The following PIK3C2A variants were observed in gnomAD, a reference collection of about 807,000 sequenced individuals.
The protein encoded by PIK3C2A is phosphatidylinositol 4-phosphate 3-kinase C2 domain-containing subunit alpha.
PIK3C2A carries 97 observed loss-of-function variants against 204.5 expected under a neutral mutation model. The observed-to-expected ratio is 0.47, with a 90% CI of 0.40 to 0.56. The LOEUF (loss-of-function observed/expected upper bound fraction) is 0.56, where lower values mean the gene tolerates loss of function less well. Ranked by LOEUF, PIK3C2A falls within the 20% of genes least tolerant of loss-of-function variation. The pLI, the probability that PIK3C2A is intolerant of heterozygous loss-of-function variation, is 0.00. For missense variants in PIK3C2A, 1,735 were observed against 1,969.2 expected, an observed-to-expected ratio of 0.88 and a Z score of 2.25; for synonymous variants, 653 against 664.4, an observed-to-expected ratio of 0.98 and a Z score of 0.26.
intron 15 of PIK3C2A, among the ~76,000 whole-genome samples, chr11:17,120,929 C>A (rs1229897852): frequency 6.6e-6 from 1 of 152,124 alleles, no homozygotes; most frequent in Non-Finnish European, 1.5e-5. Context: ...CCTGCCTCAG[C>A]CTCCCAAGTA....
At chr11:17,196,761 G>A (rs1010508474) in intron 1 of PIK3C2A, among the ~76,000 whole-genome samples, 5 of 152,000 alleles carry the variant, frequency 3.3e-5, no homozygotes, top group African/African-American at 1.2e-4. Flanking sequence ...TAGTAGAGAT[G>A]GGGTTTCACC....
intron 1 of PIK3C2A, among the ~76,000 whole-genome samples, chr11:17,172,486 G>T: frequency 6.6e-6 from 1 of 152,164 alleles, no homozygotes; most frequent in East Asian, 1.9e-4. Flanking sequence ...GAGACCAGCA[G>T]AAGAAATCAC....
At position 17,167,882 on chromosome 11, in the gene PIK3C2A, T is replaced by A. The variant is rs183091490; in HGVS notation, c.1065+795A>T. Among the ~76,000 whole-genome samples, 9 of 152,262 alleles carry A rather than the reference T, an allele frequency of 5.9e-5. No homozygotes were observed. In the East Asian group the frequency reaches 1.5e-3, roughly 26 times the overall value. On this transcript the variant is annotated intron_variant, in intron 2 of 32. Coordinates refer to ENST00000691414, the MANE Select transcript of PIK3C2A (RefSeq NM_002645.4). ...CATTCTTCACTTTTATCGACAAAAG[T>A]GTTTAAAGGGAGAGTCCTTTAAATT...
intron 1 of PIK3C2A, among the ~76,000 whole-genome samples, chr11:17,202,036 G>A (rs1223966972): frequency 6.6e-6 from 1 of 151,880 alleles, no homozygotes; most frequent in Non-Finnish European, 1.5e-5. Context: ...CGGGCAGATC[G>A]CCTTAGGTCA....
chr11:17,110,419 C>A lies in PIK3C2A; in HGVS notation c.3544+13G>T. On this transcript the variant is annotated intron_variant, in intron 22 of 32. Coordinates refer to ENST00000691414, the MANE Select transcript of PIK3C2A (RefSeq NM_002645.4). ...AAAAAAATAAGACATCAAGACACAG[C>A]TAATAAACTTACCTCGATCTCTGCC... 1 of 1,603,342 alleles carries A rather than the reference C, an allele frequency of 6.2e-7. No homozygotes were observed. Among genetic ancestry groups the A allele is most frequent in the Admixed American group, 1.7e-5 (1 of 58,284 alleles).
At chr11:17,102,549 A>G (rs1210153654) in intron 24 of PIK3C2A, 113 bp downstream of exon 24, 3 of 759,022 alleles carry the variant, frequency 4.0e-6, no homozygotes, top group Non-Finnish European at 2.2e-6. Flanking sequence ...GGCCTTTTTC[A>G]TTCCCAGTTA....
intron 1 of PIK3C2A, among the ~76,000 whole-genome samples, chr11:17,187,477 A>T (rs1203014769): frequency 6.6e-6 from 1 of 152,164 alleles, no homozygotes; most frequent in Non-Finnish European, 1.5e-5. Context: ...CATCACTACC[A>T]CCAAGTTTCA....
chr11:17,168,769 C>T lies in PIK3C2A; in HGVS notation c.973G>A (p.Gly325Arg). 6.2e-7 allele frequency: 1 copy of T among 1,613,832 alleles called. No homozygotes were observed. The highest frequency in any genetic ancestry group is 1.1e-5 in the South Asian group (1 of 91,044). ...ANCHLERKVN[G>R]KSLSVATVTR... ...ACAGTTGCCACAGAAAGGGATTTTCCATTCACCTTTCTTTCAAGATGACAA... is the reference window on the plus strand; with the variant it reads ...ACAGTTGCCACAGAAAGGGATTTTCTATTCACCTTTCTTTCAAGATGACAA... The change falls in exon 2 of 33, where the codon GGA becomes AGA. Residue 325 changes from glycine (G) to arginine (R), a missense_variant. By Grantham distance (125) the Gly-to-Arg change is moderately radical. This residue lies in a region of PIK3C2A where 536 missense variants were observed against 546.7 expected (regional missense o/e 0.98). Transcript: ENST00000691414.
intron 8 of PIK3C2A, among the ~76,000 whole-genome samples, chr11:17,139,505 T>C (rs995975932): frequency 2.6e-5 from 4 of 152,212 alleles, no homozygotes; most frequent in African/African-American, 7.2e-5. Flanking sequence ...ATTACAGGCA[T>C]GAGCCACCAT....
At chr11:17,118,556 G>T in intron 18 of PIK3C2A, 89 bp downstream of exon 18, 1 of 658,560 alleles carries the variant, frequency 1.5e-6, no homozygotes, top group Non-Finnish European at 2.7e-6. Flanking sequence ...ACAATAAGTA[G>T]TGTGGCATAC....
At chr11:17,168,017 T>G (rs1329532276) in intron 2 of PIK3C2A, among the ~76,000 whole-genome samples, 1 of 151,384 alleles carries the variant, frequency 6.6e-6, no homozygotes. Context: ...TTATTTGCAT[T>G]TAAAAAAAAA....
At position 17,114,412 on chromosome 11, in the gene PIK3C2A, T is replaced by C; in HGVS notation, c.3270A>G (p.Lys1090=). 6.3e-7 allele frequency: 1 copy of C among 1,599,442 alleles called. No homozygotes were observed. The highest frequency in any genetic ancestry group is 8.6e-7 in the Non-Finnish European group (1 of 1,166,850). The change falls in exon 20 of 33, where the codon AAA becomes AAG. Residue 1090 remains lysine, a synonymous_variant. Transcript: ENST00000691414. ...ERVQSFFQKN[K]CRLPLKPSLV... is the part of the protein sequence containing the mutation. The stretch of plus-strand genomic sequence containing the variant: ...GACTTGGCTTGAGAGGGAGACGGCA[T>C]TTATTTTTCTGAAAAAAGGACTGTA...
Position 17,122,781 on chromosome 11 carries a change from A to G in PIK3C2A, c.2432T>C (p.Leu811Pro). ...AGAATTTGTATGTGATGAAGTCCAA[A>G]GATATAGAAGTTTAGTTCCACATGT... ...FLTCGTKLLY[L>P]WTSSHTNSVP... is the part of the protein sequence containing the mutation. Residue 811 changes from leucine to proline, a missense_variant, in exon 14 of 33, where the codon CTT becomes CCT. Around this residue, in one of 6 missense-constraint regions of PIK3C2A, gnomAD observed 567 missense variants for 576.0 expected, o/e 0.98. Coordinates refer to ENST00000691414, the MANE Select transcript of PIK3C2A (RefSeq NM_002645.4). The G allele has an allele frequency of 6.5e-7, 1 of 1,534,230 alleles. No individual in the cohort carries two copies. Among genetic ancestry groups the G allele is most frequent in the South Asian group, 1.2e-5 (1 of 85,450 alleles).
At chr11:17,092,651 G>GC (rs2043820329) in intron 28 of PIK3C2A, among the ~76,000 whole-genome samples, 1 of 152,194 alleles carries the variant, frequency 6.6e-6, no homozygotes, top group South Asian at 2.1e-4. Flanking sequence ...CTGGGTGACA[G>GC]AGCAAGTCTC....
chr11:17,152,723 A>C (rs996103284), intron 3 of PIK3C2A, among the ~76,000 whole-genome samples: 1 of 152,136 alleles, frequency 6.6e-6, no homozygotes, highest in Non-Finnish European at 1.5e-5. Flanking sequence ...CAGTATCTCT[A>C]TGCAGAAATG....
At position 17,169,083 on chromosome 11, in the gene PIK3C2A, C is replaced by G. The variant is rs1360970678; in HGVS notation, c.659G>C (p.Ser220Thr). Reference sequence around the variant, plus strand: ...GTCAAATAGTTTTGCCATGTCAGTACTGACTACTGGACGATAGATAGGTAA... The same window carrying G: ...GTCAAATAGTTTTGCCATGTCAGTAGTGACTACTGGACGATAGATAGGTAA... ...GSLPIYRPVVSTDMAKLFDKI... is the reference protein window; with the variant it reads ...GSLPIYRPVVTTDMAKLFDKI... The change falls in exon 2 of 33, where the codon AGT (serine) becomes ACT (threonine). Residue 220 changes from serine to threonine, a missense_variant. Ser to Thr is a moderately conservative substitution (Grantham distance 58). Transcript: ENST00000691414. 5.6e-6 allele frequency: 9 copies of G among 1,614,036 alleles called. No homozygotes were observed. The highest frequency in any genetic ancestry group is 7.6e-6 in the Non-Finnish European group (9 of 1,180,046).
chr11:17,174,572 C>T (rs1390834007), intron 1 of PIK3C2A, among the ~76,000 whole-genome samples: 1 of 23,696 alleles, frequency 4.2e-5, no homozygotes, highest in Non-Finnish European at 7.0e-5. Flanking sequence ...CCAGCCTGGG[C>T]GACAGAGCGA....
chr11:17,095,516 G>C (rs536936602), intron 27 of PIK3C2A, among the ~76,000 whole-genome samples: 1 of 151,138 alleles, frequency 6.6e-6, no homozygotes, highest in Non-Finnish European at 1.5e-5. Context: ...GCGTGAACCC[G>C]GGAGGCAGAG....
chr11:17,192,869 C>A (rs1156344063), intron 1 of PIK3C2A, among the ~76,000 whole-genome samples: 3 of 152,202 alleles, frequency 2.0e-5, no homozygotes, highest in Non-Finnish European at 4.4e-5. Flanking sequence ...GTTTTAATGT[C>A]CCCTCCAAAA....
Sources: gnomAD v4.1 joint callset for allele counts (sites outside exome capture counted in the v4.1 genomes callset) on GRCh38, gnomAD v4.1.1 for gene constraint, gnomAD v4.1.1 regional missense constraint, MANE v1.5 for transcripts, NCBI Gene and HGNC (gene_info 2026-07-23, HGNC 2026-07-21) for gene names.